The following SUGCT variants were observed in gnomAD, a reference collection of about 807,000 sequenced individuals.
SUGCT encodes succinyl-CoA:glutarate CoA-transferase.
In SUGCT, 41 loss-of-function variants were observed where a neutral mutation model predicts 55.0. The observed-to-expected ratio is 0.74, with a 90% CI of 0.58 to 0.97. The LOEUF (loss-of-function observed/expected upper bound fraction) is 0.97. Among genes scored for constraint, SUGCT ranks in the 50% least tolerant of loss-of-function variants. The probability of loss-of-function intolerance (pLI) is 0.00; values close to 1 mark genes in which losing one functional copy is unlikely to be tolerated. For synonymous variants in SUGCT, 187 were observed against 200.4 expected (o/e 0.93, Z 0.56); for missense variants, 568 against 547.8 (o/e 1.04, Z -0.37).
chr7:40,930,463 C>T, the SUGCT span, among the ~76,000 whole-genome samples: 2 of 152,222 alleles, frequency 1.3e-5, no homozygotes, highest in Non-Finnish European at 2.9e-5. Flanking sequence ...TGAAGAAAGT[C>T]ATTGGTAGCT....
At chr7:40,401,078 C>G (rs1462639513) in intron 9 of SUGCT, among the ~76,000 whole-genome samples, 1 of 151,994 alleles carries the variant, frequency 6.6e-6, no homozygotes, top group Non-Finnish European at 1.5e-5. Flanking sequence ...ATGAATTGTT[C>G]TTAACTTTTG....
chr7:40,764,282 A>C lies in SUGCT; in HGVS notation c.1153+14785A>C, dbSNP rs562222763. Among the ~76,000 whole-genome samples the C allele has an allele frequency of 4.6e-5, 7 of 152,278 alleles. No individual in the cohort carries two copies. The East Asian group carries it at 7.7e-4, about 17-fold the overall frequency. On this transcript the variant is annotated intron_variant, in intron 13 of 13. Transcript: ENST00000335693. ...GGAGTTTGTTCCTTGAGTAGAGAGA[A>C]TGTAGATTGAAAAAAATTAATTTCA...
chr7:40,229,069 C>A (rs1788559229), intron 6 of SUGCT, among the ~76,000 whole-genome samples: 1 of 152,082 alleles, frequency 6.6e-6, no homozygotes, highest in Admixed American at 6.5e-5. Context: ...CCTTTCCTGC[C>A]CCATCCTGGA....
the SUGCT span, among the ~76,000 whole-genome samples, chr7:40,905,815 C>G: frequency 6.6e-6 from 1 of 151,526 alleles, no homozygotes; most frequent in South Asian, 2.1e-4. Context: ...AATTCCTGGG[C>G]TCAAATGATC....
chr7:40,419,850 G>A (rs1478857683), intron 9 of SUGCT, among the ~76,000 whole-genome samples: 5 of 152,186 alleles, frequency 3.3e-5, no homozygotes, highest in African/African-American at 1.2e-4. Flanking sequence ...ATTATTCAGT[G>A]CTTCTGTCAT....
At chr7:40,548,126 G>T in intron 12 of SUGCT, among the ~76,000 whole-genome samples, 1 of 142,586 alleles carries the variant, frequency 7.0e-6, no homozygotes. Flanking sequence ...TTTACTTTTT[G>T]TGTGTTTTAA....
chr7:40,778,837 T>G (rs1306874084), intron 13 of SUGCT, among the ~76,000 whole-genome samples: 1 of 152,214 alleles, frequency 6.6e-6, no homozygotes, highest in Non-Finnish European at 1.5e-5. Context: ...GTCTTTTGGG[T>G]AAGGAGATTT....
chr7:40,769,059 A>G (rs1249669561), intron 13 of SUGCT, among the ~76,000 whole-genome samples: 1 of 152,148 alleles, frequency 6.6e-6, no homozygotes, highest in Non-Finnish European at 1.5e-5. Flanking sequence ...AAAGGATTCA[A>G]GCTCAAGGCA....
intron 12 of SUGCT, among the ~76,000 whole-genome samples, chr7:40,502,306 T>C (rs1423633692): frequency 1.3e-5 from 2 of 152,016 alleles, no homozygotes; most frequent in African/African-American, 2.4e-5. Context: ...TTTTAATGTG[T>C]AAAAAATTAA....
At chr7:40,313,398 G>A (rs1465382939) in intron 8 of SUGCT, among the ~76,000 whole-genome samples, 1 of 152,070 alleles carries the variant, frequency 6.6e-6, no homozygotes, top group Non-Finnish European at 1.5e-5. Flanking sequence ...GGAAACCTCT[G>A]ATTTTTTTCA....
chr7:40,788,392 A>G (rs1427758252), intron 13 of SUGCT, among the ~76,000 whole-genome samples: 1 of 152,238 alleles, frequency 6.6e-6, no homozygotes, highest in Non-Finnish European at 1.5e-5. Context: ...AAATCAATGG[A>G]TGCCAACGAT....
At chr7:40,367,501 T>G (rs1486364032) in intron 9 of SUGCT, among the ~76,000 whole-genome samples, 1 of 151,948 alleles carries the variant, frequency 6.6e-6, no homozygotes, top group Non-Finnish European at 1.5e-5. Context: ...GCTAAAAGTA[T>G]ATGAACTTAC....
chr7:40,686,170 C>CT (rs939660344), intron 12 of SUGCT, among the ~76,000 whole-genome samples: 3 of 152,048 alleles, frequency 2.0e-5, no homozygotes, highest in Non-Finnish European at 2.9e-5. Flanking sequence ...CATTGTTTCC[C>CT]TTTTTTTGCT....
chr7:40,532,526 C>G (rs989907207), intron 12 of SUGCT, among the ~76,000 whole-genome samples: 7 of 134,078 alleles, frequency 5.2e-5, no homozygotes, highest in South Asian at 2.5e-4. Context: ...GCAAGTATGT[C>G]TGTGTGTGTG....
the SUGCT span, among the ~76,000 whole-genome samples, chr7:40,967,941 C>T: frequency 6.6e-6 from 1 of 152,296 alleles, no homozygotes; most frequent in South Asian, 2.1e-4. Context: ...TAAGACTGGA[C>T]TCAATGGATA....
chr7:40,899,854 C>T, the SUGCT span, among the ~76,000 whole-genome samples: 1 of 152,198 alleles, frequency 6.6e-6, no homozygotes, highest in East Asian at 1.9e-4. Flanking sequence ...CCACTCCTTC[C>T]CGAGCGTATG....
chr7:40,482,383 G>A lies in SUGCT; in HGVS notation c.987-13901G>A, dbSNP rs117781476. Among the ~76,000 whole-genome samples the A allele has an allele frequency of 5.7e-3, 567 of 99,624 alleles. 2 individuals are homozygous for A. Among genetic ancestry groups the A allele is most frequent in the Middle Eastern group, 0.016 (3 of 184 alleles). The allele number at this position is 99,624 out of a possible 152,430, so 65.4% of individuals were successfully genotyped here. On this transcript the variant is annotated intron_variant, in intron 11 of 13. Coordinates refer to ENST00000335693, the MANE Select transcript of SUGCT (RefSeq NM_001193313.2). ...CATGGTATGGAGAAAAGAATAAAAAGTAAACATCCACAATTTATACAAAAA... is the reference window on the plus strand; with the variant it reads ...CATGGTATGGAGAAAAGAATAAAAAATAAACATCCACAATTTATACAAAAA...
chr7:40,233,275 A>G (rs931395568), intron 6 of SUGCT, among the ~76,000 whole-genome samples: 4 of 152,154 alleles, frequency 2.6e-5, no homozygotes, highest in African/African-American at 9.6e-5. Context: ...GCTGGAGTGC[A>G]ATGGCACGAT....
the SUGCT span, among the ~76,000 whole-genome samples, chr7:40,908,333 A>C: frequency 4.0e-5 from 6 of 149,480 alleles, no homozygotes; most frequent in Non-Finnish European, 8.9e-5. Context: ...CAGTGAGCTG[A>C]GATCACGCCA....
Sources: gnomAD v4.1 joint callset for allele counts (sites outside exome capture counted in the v4.1 genomes callset) on GRCh38, gnomAD v4.1.1 for gene constraint, MANE v1.5 for transcripts, NCBI Gene and HGNC (gene_info 2026-07-23, HGNC 2026-07-21) for gene names.